The following WNT7A variants were observed in gnomAD, a reference collection of about 807,000 sequenced individuals.
WNT7A encodes the protein Wnt family member 7A.
A neutral mutation model predicts 28.2 loss-of-function variants in WNT7A; 16 were observed. The ratio of observed to expected loss-of-function variants is 0.57; its 90% CI spans 0.38 to 0.86. The LOEUF (loss-of-function observed/expected upper bound fraction) is 0.86, where lower values mean the gene tolerates loss of function less well. Among genes scored for constraint, WNT7A ranks in the 40% least tolerant of loss-of-function variants. The pLI is 0.00. For synonymous variants in WNT7A, 190 were observed against 195.9 expected, an observed-to-expected ratio of 0.97 and a Z score of 0.25; for missense variants, 411 against 489.7, an observed-to-expected ratio of 0.84 and a Z score of 1.52.
chr3:13,865,981 C>T (rs1398272678), intron 2 of WNT7A, among the ~76,000 whole-genome samples: 1 of 152,232 alleles, frequency 6.6e-6, no homozygotes, highest in African/African-American at 2.4e-5. Context: ...GTGGAGGGTG[C>T]TGTCTTGGAC....
rs529006343 is a variant in WNT7A, at chr3:13,817,370, C to A, written c.*1574G>T. 6.6e-6 allele frequency: 1 copy of A among 150,958 alleles called. No homozygotes were observed. Among genetic ancestry groups the A allele is most frequent in the African/African-American group, 2.4e-5 (1 of 40,910 alleles). 9.4% of individuals were successfully genotyped at this position (150,958 alleles called of 1,614,324 possible). On this transcript the variant is annotated 3_prime_UTR_variant, in exon 4 of 4. Transcript: ENST00000285018. ...CATACACACACGAGTACGGCGGAGGCGCTGCAAGGCGCAAAGTCACGTGAC... is the reference window on the plus strand; with the variant it reads ...CATACACACACGAGTACGGCGGAGGAGCTGCAAGGCGCAAAGTCACGTGAC...
intron 1 of WNT7A, among the ~76,000 whole-genome samples, chr3:13,876,121 T>A (rs1048543741): frequency 2.0e-5 from 3 of 152,154 alleles, no homozygotes; most frequent in African/African-American, 4.8e-5. Flanking sequence ...GAGGACTTCC[T>A]TGAGGAGTTG....
At chr3:13,828,812 C>A (rs1338887476) in intron 3 of WNT7A, among the ~76,000 whole-genome samples, 1 of 152,172 alleles carries the variant, frequency 6.6e-6, no homozygotes, top group Non-Finnish European at 1.5e-5. Flanking sequence ...CCTGGGCAAC[C>A]AGAATCAGTC....
At chr3:13,868,752 AGGAGG>A (rs1306053210) in intron 2 of WNT7A, among the ~76,000 whole-genome samples, 9 of 144,122 alleles carry the variant, frequency 6.2e-5, no homozygotes, top group African/African-American at 2.3e-4. Flanking sequence ...AAAGAAAGAA[AGGAGG>A]GAAGGGAAGG....
intron 2 of WNT7A, among the ~76,000 whole-genome samples, chr3:13,869,714 AAAGAAAAAAAGG>A (rs1386499479): frequency 6.7e-6 from 1 of 149,168 alleles, no homozygotes; most frequent in Non-Finnish European, 1.5e-5. Context: ...GGAGAGAAAG[AAAGAAAAAAAGG>A]AAGGAAGGAA....
chr3:13,840,653 C>T (rs997243456), intron 3 of WNT7A, among the ~76,000 whole-genome samples: 1 of 152,074 alleles, frequency 6.6e-6, no homozygotes, highest in African/African-American at 2.4e-5. Context: ...TCCATCTATC[C>T]TACTACCCAA....
chr3:13,820,998 C>T (rs73817629), intron 3 of WNT7A, among the ~76,000 whole-genome samples: 3,227 of 152,318 alleles, frequency 0.021, 42 homozygotes, highest in Middle Eastern at 0.034. Context: ...GCTGGATGAG[C>T]AGCCCCTTCA....
chr3:13,850,388 G>A (rs1694609832), intron 3 of WNT7A, among the ~76,000 whole-genome samples: 2 of 152,184 alleles, frequency 1.3e-5, no homozygotes, highest in Admixed American at 1.3e-4. Flanking sequence ...TGACTCACAG[G>A]CCTGCCTGCG....
chr3:13,816,665 T>A lies in WNT7A; in HGVS notation c.*2279A>T, dbSNP rs767802496. 6.6e-6 allele frequency: 1 copy of A among 152,236 alleles called. No homozygotes were observed. The highest frequency in any genetic ancestry group is 1.5e-5 in the Non-Finnish European group (1 of 68,058). The allele number at this position is 152,236 out of a possible 1,614,324, so 9.4% of individuals were successfully genotyped here. A position where few individuals can be genotyped will look rare whatever the true frequency, so the allele number is the denominator to read the frequency against. ...AAGAAACTGCTCACTTACCTATCTGTAGGTGTACCTACCTCATCAACCCAC... is the reference window on the plus strand; with the variant it reads ...AAGAAACTGCTCACTTACCTATCTGAAGGTGTACCTACCTCATCAACCCAC... On this transcript the variant is annotated 3_prime_UTR_variant, in exon 4 of 4. Transcript: ENST00000285018.
rs1430107272 is a variant in WNT7A at position 13,879,873 on chromosome 3, C to G, written c.-57G>C. 2.1e-6 allele frequency: 3 copies of G among 1,458,030 alleles called. No homozygotes were observed. The highest frequency in any genetic ancestry group is 2.7e-6 in the Non-Finnish European group (3 of 1,095,278). The allele number at this position is 1,458,030 out of a possible 1,614,324, so 90.3% of individuals were successfully genotyped here. On this transcript the variant is annotated 5_prime_UTR_variant, in exon 1 of 4. Coordinates refer to ENST00000285018, the MANE Select transcript of WNT7A (RefSeq NM_004625.4). Reference sequence around the variant, plus strand: ...GGCTGTGCTGATCCCGCGGGCCGGCCCCGGCGGGGCAATCAACATAGCCCG... The same window carrying G: ...GGCTGTGCTGATCCCGCGGGCCGGCGCCGGCGGGGCAATCAACATAGCCCG...
intron 3 of WNT7A, among the ~76,000 whole-genome samples, chr3:13,848,776 A>AC (rs1694579719): frequency 2.6e-5 from 4 of 151,420 alleles, no homozygotes; most frequent in African/African-American, 4.9e-5. Context: ...CACACACACA[A>AC]AAAAAAAACC....
chr3:13,821,881 A>G (rs1271570632), intron 3 of WNT7A, among the ~76,000 whole-genome samples: 1 of 152,204 alleles, frequency 6.6e-6, no homozygotes, highest in East Asian at 1.9e-4. Flanking sequence ...CATGCTTTGT[A>G]ACTATTCTTT....
intron 2 of WNT7A, among the ~76,000 whole-genome samples, chr3:13,861,741 C>A (rs961231213): frequency 5.9e-5 from 9 of 152,172 alleles, no homozygotes; most frequent in African/African-American, 2.2e-4. Flanking sequence ...GCCAGCCCTT[C>A]CTCTCCCCAG....
chr3:13,852,708 G>T (rs1041773928), intron 3 of WNT7A, among the ~76,000 whole-genome samples: 1 of 152,106 alleles, frequency 6.6e-6, no homozygotes, highest in Non-Finnish European at 1.5e-5. Flanking sequence ...CTGGCTGAGT[G>T]GTGTGTGTGG....
chr3:13,868,626 G>C (rs1296576649), intron 2 of WNT7A, among the ~76,000 whole-genome samples: 1 of 18,876 alleles, frequency 5.3e-5, no homozygotes, highest in Admixed American at 5.5e-4. Flanking sequence ...GAGAGAGAAA[G>C]AAAGAAAGAG....
At chr3:13,824,073 C>T (rs1213682590) in intron 3 of WNT7A, among the ~76,000 whole-genome samples, 1 of 152,186 alleles carries the variant, frequency 6.6e-6, no homozygotes, top group African/African-American at 2.4e-5. Flanking sequence ...CAAACTCTTT[C>T]TTTTTTAAAA....
chr3:13,864,490 G>T (rs1283181416), intron 2 of WNT7A, among the ~76,000 whole-genome samples: 2 of 152,122 alleles, frequency 1.3e-5, no homozygotes, highest in Non-Finnish European at 2.9e-5. Flanking sequence ...GGTGACCCAT[G>T]TGGGCAGCTT....
chr3:13,875,197 T>C (rs777524559), intron 1 of WNT7A, 24 bp from the exon 2 acceptor site: 6 of 1,612,918 alleles, frequency 3.7e-6, no homozygotes, highest in African/African-American at 2.7e-5. Context: ...CACAGAGAGA[T>C]GGAGCATTAG....
chr3:13,824,880 A>C (rs1456787033), intron 3 of WNT7A, among the ~76,000 whole-genome samples: 1 of 152,176 alleles, frequency 6.6e-6, no homozygotes, highest in Non-Finnish European at 1.5e-5. Flanking sequence ...AAAGAATCTG[A>C]AGATCCACCA....
Sources: gnomAD v4.1 joint callset for allele counts (sites outside exome capture counted in the v4.1 genomes callset) on GRCh38, gnomAD v4.1.1 for gene constraint, MANE v1.5 for transcripts, NCBI Gene and HGNC (gene_info 2026-07-23, HGNC 2026-07-21) for gene names.